Variants in CELF1 observed in about 807,000 individuals in gnomAD.
The protein encoded by CELF1 is CUGBP Elav-like family member 1, also known as 50 kDa nuclear polyadenylated RNA-binding protein.
Under a neutral mutation model 61.8 loss-of-function variants are expected in CELF1, and 10 were observed. The ratio of observed to expected loss-of-function variants is 0.16; its 90% CI spans 0.10 to 0.27. The LOEUF (loss-of-function observed/expected upper bound fraction) is 0.27, where lower values mean the gene tolerates loss of function less well. Ranked by LOEUF, CELF1 falls within the 10% of genes least tolerant of loss-of-function variation. The pLI, the probability that CELF1 is intolerant of heterozygous loss-of-function variation, is 1.00. For synonymous variants in CELF1, 236 were observed against 225.1 expected (o/e 1.05, Z -0.43); for missense variants, 380 against 639.1 (o/e 0.59, Z 4.37).
intron 2 of CELF1, among the ~76,000 whole-genome samples, chr11:47,562,243 A>C (rs1268292134): frequency 1.3e-5 from 2 of 149,980 alleles, no homozygotes; most frequent in Non-Finnish European, 3.0e-5. Context: ...AAAAAAAAAA[A>C]AGTTGGGTGG....
At chr11:47,553,518 G>A (rs535534027), upstream of CELF1, among the ~76,000 whole-genome samples, 3 of 152,334 alleles carry the variant, frequency 2.0e-5, no homozygotes, top group South Asian at 2.1e-4. Context: ...CTGAATAGGA[G>A]CATAATAAGA....
In CELF1 at chr11:47,525,777, T is replaced by C. The variant is rs555917954; in HGVS notation, c.-153-24845A>G. Among the ~76,000 whole-genome samples the C allele has an allele frequency of 3.9e-5, 6 of 152,188 alleles. No homozygotes were observed. The South Asian group carries it at 1.2e-3, about 32-fold the overall frequency. ...AGCGTGGGGTACAAACTATAAATGC[T>C]ATACACATTAAGAGAAGAGAGGCTG... is the stretch of plus-strand genomic sequence containing the variant. On this transcript the variant is annotated intron_variant, in intron 1 of 14. Transcript: ENST00000687097.
chr11:47,476,783 C>T, intron 12 of CELF1, 63 bp downstream of exon 12: 1 of 1,281,118 alleles, frequency 7.8e-7, no homozygotes, highest in Non-Finnish European at 1.1e-6. Flanking sequence ...GTGCCCCTAC[C>T]AGGGTTAAGA....
At chr11:47,509,887 T>G (rs1160918800) in intron 1 of CELF1, among the ~76,000 whole-genome samples, 6 of 92,794 alleles carry the variant, frequency 6.5e-5, no homozygotes, top group East Asian at 6.6e-4. Flanking sequence ...ATTAGCTGGG[T>G]GTGGTGTCTC....
chr11:47,489,935 G>GTTTTTTTTTTTTTTTTTTTTTTTTTTGT (rs561900704), intron 3 of CELF1, among the ~76,000 whole-genome samples: 1 of 48,226 alleles, frequency 2.1e-5, no homozygotes, highest in Non-Finnish European at 3.9e-5. Flanking sequence ...ATACCATCTT[G>GTTTTTTTTTTTTTTTTTTTTTTTTTTGT]TTTTTTTTTT....
chr11:47,535,483 A>T (rs77993677), intron 1 of CELF1, among the ~76,000 whole-genome samples: 1 of 151,918 alleles, frequency 6.6e-6, no homozygotes, highest in South Asian at 2.1e-4. Flanking sequence ...GTTCGAGACC[A>T]GCCTGACCAA....
intron 1 of CELF1, among the ~76,000 whole-genome samples, chr11:47,545,157 G>A (rs2153738662): frequency 6.6e-6 from 1 of 152,074 alleles, no homozygotes; most frequent in East Asian, 1.9e-4. Flanking sequence ...AGACCGGGTG[G>A]AGTGGTTCAT....
chr11:47,482,207 AAAATAAATAAAT>A (rs55860292), intron 9 of CELF1, among the ~76,000 whole-genome samples: 27 of 150,314 alleles, frequency 1.8e-4, no homozygotes, highest in African/African-American at 5.1e-4. Context: ...TCCGTCTCAA[AAAATAAATAAAT>A]AAATAAATAA....
intron 1 of CELF1, among the ~76,000 whole-genome samples, chr11:47,516,690 T>C (rs1413894082): frequency 4.6e-5 from 7 of 151,896 alleles, no homozygotes; most frequent in Non-Finnish European, 1.0e-4. Flanking sequence ...AATCTCTGCC[T>C]CCCAGTTGTA....
intron 1 of CELF1, among the ~76,000 whole-genome samples, chr11:47,536,527 G>C (rs1042136503): frequency 6.6e-6 from 1 of 151,944 alleles, no homozygotes; most frequent in Admixed American, 6.6e-5. Context: ...GGGAGGCCAA[G>C]GTGAGCAGAT....
At chr11:47,542,925 G>C (rs2096845811) in intron 1 of CELF1, among the ~76,000 whole-genome samples, 1 of 152,100 alleles carries the variant, frequency 6.6e-6, no homozygotes, top group Non-Finnish European at 1.5e-5. Context: ...TTGAGGACAG[G>C]TGTTCAAGAC....
chr11:47,488,486 TG>T (rs2089118730), intron 4 of CELF1, among the ~76,000 whole-genome samples: 1 of 152,238 alleles, frequency 6.6e-6, no homozygotes, highest in Non-Finnish European at 1.5e-5. Flanking sequence ...ATTTTATCTT[TG>T]TTATCTGTTC....
chr11:47,479,506 C>G (rs2081836750), intron 9 of CELF1, among the ~76,000 whole-genome samples: 1 of 152,222 alleles, frequency 6.6e-6, no homozygotes, highest in Non-Finnish European at 1.5e-5. Context: ...TCCAGCTACA[C>G]ATCTATCCAA....
chr11:47,559,349 G>A (rs2097218859), intron 2 of CELF1, among the ~76,000 whole-genome samples: 1 of 150,242 alleles, frequency 6.7e-6, no homozygotes, highest in Non-Finnish European at 1.5e-5. Flanking sequence ...ATAGGCATGA[G>A]CCACTTCGCC....
chr11:47,499,655 C>A lies in CELF1; in HGVS notation c.-81-51G>T, dbSNP rs1235228451. On this transcript the variant is annotated intron_variant, in intron 2 of 14. Transcript: ENST00000687097. ...GGAAACAGGAGCTCAGGGAAACCAG[C>A]AATAAGTGCCACAGAAAGAGGCAGG... is the stretch of plus-strand genomic sequence containing the variant. The A allele has an allele frequency of 1.0e-5, 7 of 671,348 alleles. No individual in the cohort carries two copies. The East Asian group carries it at 1.6e-4, about 16-fold the overall frequency. 41.6% of individuals were successfully genotyped at this position (671,348 alleles called of 1,614,324 possible). A position where few individuals can be genotyped will look rare whatever the true frequency, so the allele number is the denominator to read the frequency against.
rs1172768030 is a variant in CELF1, at chr11:47,549,210, AAAAC to A, written c.-154+3778_-154+3781del. ...AGAAAAAAGTATAGGGGTTCTTCAA[AAAAC>A]AAACAAACAAATAAAAAAACACTAT... On this transcript the variant is annotated intron_variant, in intron 1 of 14. Coordinates refer to ENST00000687097, the MANE Select transcript of CELF1 (RefSeq NM_001376376.1). 9.9e-5 allele frequency among the ~76,000 whole-genome samples: 15 copies of A among 152,232 alleles called. 1 individual carries two copies. Among genetic ancestry groups the A allele is most frequent in the African/African-American group, 2.9e-4 (12 of 41,466 alleles).
At chr11:47,564,712 A>C (rs1004720527) in intron 1 of CELF1, among the ~76,000 whole-genome samples, 1 of 152,046 alleles carries the variant, frequency 6.6e-6, no homozygotes, top group African/African-American at 2.4e-5. Context: ...AATCGTTTGA[A>C]CCCGGGAGGC....
chr11:47,541,810 G>A lies in CELF1; in HGVS notation c.-154+11182C>T, dbSNP rs796525379. Among the ~76,000 whole-genome samples, 509 of 135,940 alleles carry A rather than the reference G, an allele frequency of 3.7e-3. 22 individuals carry two copies. Among genetic ancestry groups the A allele is most frequent in the African/African-American group, 0.012 (431 of 35,272 alleles). 89.2% of individuals were successfully genotyped at this position (135,940 alleles called of 152,430 possible). A position where few individuals can be genotyped will look rare whatever the true frequency, so the allele number is the denominator to read the frequency against. ...AGAAAGAACGAAAGAAAGAAAGAAAGAAAGAAAGAAAGAAAGAAAGAAAGA... is the reference window on the plus strand; with the variant it reads ...AGAAAGAACGAAAGAAAGAAAGAAAAAAAGAAAGAAAGAAAGAAAGAAAGA... On this transcript the variant is annotated intron_variant, in intron 1 of 14. Transcript: ENST00000687097.
chr11:47,515,967 AG>A (rs1307304318), intron 1 of CELF1, among the ~76,000 whole-genome samples: 1 of 148,066 alleles, frequency 6.8e-6, no homozygotes, highest in African/African-American at 2.5e-5. Context: ...CCCAGGCTAG[AG>A]GGTAGTGGTG....
Sources: gnomAD v4.1 joint callset for allele counts (sites outside exome capture counted in the v4.1 genomes callset) on GRCh38, gnomAD v4.1.1 for gene constraint, MANE v1.5 for transcripts, NCBI Gene and HGNC (gene_info 2026-07-23, HGNC 2026-07-21) for gene names.